The following TACC1 variants were observed in gnomAD, a reference collection of about 807,000 sequenced individuals.
The protein encoded by TACC1 is transforming acidic coiled-coil-containing protein 1.
TACC1 carries 48 observed loss-of-function variants against 84.4 expected under a neutral mutation model. The ratio of observed to expected loss-of-function variants is 0.57; its 90% CI spans 0.45 to 0.72. The LOEUF is 0.72. Among genes scored for constraint, TACC1 ranks in the 30% least tolerant of loss-of-function variants. TACC1 has a pLI of 0.00. For synonymous variants in TACC1, 372 were observed against 376.3 expected (o/e 0.99, Z 0.13); for missense variants, 920 against 973.0 (o/e 0.95, Z 0.72).
Position 38,767,756 on chromosome 8 carries a change from C to G in TACC1, c.27-20948C>G, listed in dbSNP as rs555022093. ...CCATTCAGATACTAATTTATAGTACCCGTAGGATAAAAGAAAATAGATTAG... is the reference window on the plus strand; with the variant it reads ...CCATTCAGATACTAATTTATAGTACGCGTAGGATAAAAGAAAATAGATTAG... On this transcript the variant is annotated intron_variant, in intron 3 of 14. Transcript: ENST00000518415. Among the ~76,000 whole-genome samples, 11 of 152,122 alleles carry G rather than the reference C, an allele frequency of 7.2e-5. No homozygotes were observed. In the East Asian group the frequency reaches 1.9e-3, roughly 27 times the overall value.
At chr8:38,788,565 G>A in intron 1 of TACC1, 139 bp from the exon 2 acceptor site, 1 of 654,734 alleles carries the variant, frequency 1.5e-6, no homozygotes, top group Non-Finnish European at 2.7e-6. Flanking sequence ...GCCTCCCGCA[G>A]GTCAGACCCT....
intron 2 of TACC1, among the ~76,000 whole-genome samples, chr8:38,813,549 T>C (rs1587913098): frequency 1.3e-5 from 2 of 152,238 alleles, no homozygotes; most frequent in African/African-American, 4.8e-5. Flanking sequence ...TGAGATTGCA[T>C]ATGCTTTGTG....
intron 3 of TACC1, among the ~76,000 whole-genome samples, chr8:38,821,956 T>A (rs1013565834): frequency 6.6e-6 from 1 of 152,060 alleles, no homozygotes; most frequent in Admixed American, 6.6e-5. Flanking sequence ...TGTGGTGGCT[T>A]ACACCTGTAA....
rs762119209 is a variant in TACC1, at chr8:38,848,060, G to C, written c.*37G>C. 1.6e-5 allele frequency: 26 copies of C among 1,585,150 alleles called. No homozygotes were observed. The highest frequency in any genetic ancestry group is 1.4e-4 in the African/African-American group (10 of 74,024). On this transcript the variant is annotated 3_prime_UTR_variant, in exon 13 of 13. Coordinates refer to ENST00000317827, the MANE Select transcript of TACC1 (RefSeq NM_006283.3). ...TGTTAGCTCAACAGATCTGCATTTG[G>C]CTGCTTCTCTTGTGACCACAATTAT...
intron 11 of TACC1, 136 bp from the exon 12 acceptor site, chr8:38,846,563 G>C (rs1033115545): frequency 9.4e-7 from 1 of 1,062,518 alleles, no homozygotes; most frequent in Non-Finnish European, 1.3e-6. Flanking sequence ...ACCGATTTTT[G>C]TTTTTTTTCT....
At chr8:38,785,291 C>T (rs528889360), upstream of TACC1, among the ~76,000 whole-genome samples, 7 of 152,292 alleles carry the variant, frequency 4.6e-5, no homozygotes, top group African/African-American at 1.7e-4. Flanking sequence ...TTAGTGAACA[C>T]ACAGATTTCC....
In TACC1 at chr8:38,822,499, C is replaced by T. The variant is rs12334911; in HGVS notation, c.1391+1864C>T. 1.9e-3 allele frequency among the ~76,000 whole-genome samples: 293 copies of T among 152,212 alleles called. 3 individuals are homozygous for T. Among genetic ancestry groups the T allele is most frequent in the African/African-American group, 6.7e-3 (277 of 41,548 alleles). On this transcript the variant is annotated intron_variant, in intron 3 of 12. Transcript: ENST00000317827. The stretch of plus-strand genomic sequence containing the variant: ...TACACTACTGTAGCTTCTATAAACA[C>T]GGTACACTTCAGCTATGCTAAATTT...
intron 2 of TACC1, among the ~76,000 whole-genome samples, chr8:38,816,279 A>G (rs370333953): frequency 6.6e-6 from 1 of 152,228 alleles, no homozygotes; most frequent in Non-Finnish European, 1.5e-5. Flanking sequence ...ATACAAAACT[A>G]AGATATTTAG....
At chr8:38,760,022 A>G (rs966631743) in intron 3 of TACC1, among the ~76,000 whole-genome samples, 11 of 151,064 alleles carry the variant, frequency 7.3e-5, no homozygotes, top group African/African-American at 9.8e-5. Flanking sequence ...TTCAAAATCT[A>G]TTGTTCTTTT....
intron 11 of TACC1, chr8:38,846,402 C>T (rs1832293844): frequency 5.3e-6 from 1 of 189,530 alleles, no homozygotes; most frequent in African/African-American, 2.5e-5. Context: ...TAGCTGTGAT[C>T]GTCTCCAAAA....
At chr8:38,729,392 A>C (rs576110180) in intron 1 of TACC1, among the ~76,000 whole-genome samples, 1 of 152,342 alleles carries the variant, frequency 6.6e-6, no homozygotes, top group Admixed American at 6.5e-5. Flanking sequence ...GCCTGCGTGT[A>C]GTCCTTGGCT....
chr8:38,828,842 T>G (rs1426676184), intron 5 of TACC1, among the ~76,000 whole-genome samples: 1 of 152,216 alleles, frequency 6.6e-6, no homozygotes, highest in Admixed American at 6.5e-5. Flanking sequence ...CTCTAAGCAG[T>G]CTGGTTCCAT....
At chr8:38,769,709 TG>T (rs1813149414) in intron 3 of TACC1, among the ~76,000 whole-genome samples, 1 of 92,872 alleles carries the variant, frequency 1.1e-5, no homozygotes, top group East Asian at 2.8e-4. Context: ...ATTGTGTGTG[TG>T]GTGTGTGTGT....
chr8:38,731,121 A>G (rs1377648279), intron 1 of TACC1, among the ~76,000 whole-genome samples: 1 of 151,908 alleles, frequency 6.6e-6, no homozygotes, highest in African/African-American at 2.4e-5. Flanking sequence ...ATTTTTGTGT[A>G]GAGATGGGGG....
At chr8:38,837,891 A>G (rs1297863925) in intron 7 of TACC1, among the ~76,000 whole-genome samples, 1 of 152,272 alleles carries the variant, frequency 6.6e-6, no homozygotes, top group African/African-American at 2.4e-5. Flanking sequence ...ATATGAGCCT[A>G]GGTTCCAGGC....
intron 6 of TACC1, among the ~76,000 whole-genome samples, chr8:38,832,215 T>G (rs557576555): frequency 5.3e-5 from 8 of 152,348 alleles, no homozygotes; most frequent in African/African-American, 1.7e-4. Context: ...TAAGATGAAA[T>G]GACAACGTGA....
intron 3 of TACC1, among the ~76,000 whole-genome samples, chr8:38,756,599 T>C (rs911732655): frequency 6.6e-6 from 1 of 152,116 alleles, no homozygotes; most frequent in Non-Finnish European, 1.5e-5. Context: ...TGGAGGAAAA[T>C]TCATTGCCTG....
intron 1 of TACC1, among the ~76,000 whole-genome samples, chr8:38,740,515 A>G (rs933715637): frequency 6.6e-6 from 1 of 152,222 alleles, no homozygotes; most frequent in Non-Finnish European, 1.5e-5. Flanking sequence ...TGGTTACAGT[A>G]TCCATAGCAA....
intron 2 of TACC1, among the ~76,000 whole-genome samples, chr8:38,798,114 T>C (rs1409092689): frequency 6.7e-6 from 1 of 150,364 alleles, no homozygotes; most frequent in African/African-American, 2.4e-5. Flanking sequence ...TTGGGTCTCT[T>C]TTTATTTTTC....
Sources: gnomAD v4.1 joint callset for allele counts (sites outside exome capture counted in the v4.1 genomes callset) on GRCh38, gnomAD v4.1.1 for gene constraint, MANE v1.5 for transcripts, NCBI Gene and HGNC (gene_info 2026-07-23, HGNC 2026-07-21) for gene names.